The following IQCB1 variants were observed in gnomAD, a reference collection of about 807,000 sequenced individuals.
IQCB1 encodes the protein IQ motif containing B1, also known as IQ calmodulin-binding motif-containing protein 1.
In IQCB1, 56 loss-of-function variants were observed where a neutral mutation model predicts 84.4. The ratio of observed to expected loss-of-function variants is 0.66; its 90% confidence interval spans 0.54 to 0.83. IQCB1 has a LOEUF of 0.83. IQCB1 is among the 40% of genes least tolerant of loss of function. The pLI, the probability that IQCB1 is intolerant of heterozygous loss-of-function variation, is 0.00. For missense variants in IQCB1, 629 were observed against 682.1 expected, an observed-to-expected ratio of 0.92 and a Z score of 0.87; for synonymous variants, 210 against 234.8, an observed-to-expected ratio of 0.89 and a Z score of 0.96.
At position 121,797,216 on chromosome 3, in the gene IQCB1, G is replaced by C; in HGVS notation, c.778C>G (p.Leu260Val). The C allele has an allele frequency of 6.4e-7, 1 of 1,568,144 alleles. No individual in the cohort carries two copies. The highest frequency in any genetic ancestry group is 8.8e-7 in the Non-Finnish European group (1 of 1,140,044). Residue 260 changes from leucine (L) to valine (V), a missense_variant, in exon 9 of 15, where the codon CTA becomes GTA. Coordinates refer to ENST00000310864, the MANE Select transcript of IQCB1 (RefSeq NM_001023570.4). ...QSTCYKGLRR[L>V]LSKQETGTEF... ...GTCCCAGTTTCCTGTTTACTTAGTAGACGTCTGAGTCCTGAAATGGAATAG... is the reference window on the plus strand; with the variant it reads ...GTCCCAGTTTCCTGTTTACTTAGTACACGTCTGAGTCCTGAAATGGAATAG...
intron 5 of IQCB1, among the ~76,000 whole-genome samples, chr3:121,810,196 C>T (rs1040960543): frequency 1.3e-5 from 2 of 152,096 alleles, no homozygotes; most frequent in African/African-American, 2.4e-5. Flanking sequence ...ACCTTTAAAT[C>T]GAAATTCTCA....
At chr3:121,781,668 A>C in intron 13 of IQCB1, 75 bp downstream of exon 13, 15 of 1,130,184 alleles carry the variant, frequency 1.3e-5, no homozygotes, top group South Asian at 3.7e-5. Context: ...CACACAATAT[A>C]TGTGTGTGTG....
Position 121,828,889 on chromosome 3 carries a change from A to T in IQCB1, c.72T>A (p.Asn24Lys). The T allele has an allele frequency of 3.1e-6, 5 of 1,607,952 alleles. No homozygotes were observed. The South Asian group carries it at 5.5e-5, about 18-fold the overall frequency. ...AAEVAKSPEQ[N>K]VPVILLKLKE... ...TTAACTTCAACAGTATAACAGGGAC[A>T]TTCTGCTCAGGGCTTTTTGCAACTT... Residue 24 changes from asparagine to lysine, a missense_variant, in exon 3 of 15, where the codon AAT becomes AAA. Asn to Lys is a moderately conservative substitution (Grantham distance 94, BLOSUM62 0). Coordinates refer to ENST00000310864, the MANE Select transcript of IQCB1 (RefSeq NM_001023570.4).
intron 12 of IQCB1, among the ~76,000 whole-genome samples, chr3:121,786,215 G>GAAAAGAAAAGAAAAGAAAAT (rs59609336): frequency 6.8e-6 from 1 of 147,108 alleles, no homozygotes; most frequent in Admixed American, 6.9e-5. Flanking sequence ...GAAAAGAAAA[G>GAAAAGAAAAGAAAAGAAAAT]GATGCTTTAA....
intron 5 of IQCB1, among the ~76,000 whole-genome samples, chr3:121,809,472 T>A (rs1020342946): frequency 1.3e-5 from 2 of 152,066 alleles, no homozygotes; most frequent in Non-Finnish European, 2.9e-5. Context: ...GATGTCAGCA[T>A]GAGAAGCATT....
chr3:121,781,672 G>C lies in IQCB1; in HGVS notation c.1410+71C>G. On this transcript the variant is annotated intron_variant, in intron 13 of 14. Coordinates refer to ENST00000310864, the MANE Select transcript of IQCB1 (RefSeq NM_001023570.4). ...ACACACACACACACACAATATATGT[G>C]TGTGTGTGTACAGTTATCAATATCA... The C allele has an allele frequency of 1.0e-5, 13 of 1,270,906 alleles. No individual in the cohort carries two copies. In the South Asian group the frequency reaches 1.6e-4, roughly 15 times the overall value. 78.7% of individuals were successfully genotyped at this position (1,270,906 alleles called of 1,614,324 possible).
rs898997712 is a variant in IQCB1 at position 121,781,747 on chromosome 3, T to C, written c.1406A>G (p.His469Arg). 6.2e-7 allele frequency: 1 copy of C among 1,613,022 alleles called. No homozygotes were observed. Among genetic ancestry groups the C allele is most frequent in the African/African-American group, 1.3e-5 (1 of 74,894 alleles). ...KKRVDDYVRR[H>R]LGSPMSDVVS... ...TATGGTACAGAAGCTTCATACCAAA[T>C]GTCTTCTGACATAGTCATCCACTCG... Residue 469 changes from histidine (H) to arginine (R), a missense_variant, in exon 13 of 15, where the codon CAT (histidine) becomes CGT (arginine). Coordinates refer to ENST00000310864, the MANE Select transcript of IQCB1 (RefSeq NM_001023570.4).
chr3:121,834,984 T>C lies in IQCB1; in HGVS notation c.-120A>G. Reference sequence around the variant, plus strand: ...AAGTTACCTCATCCTCGCTTCGCGTTCTTCCACTAAAGAACCTGGGGCTCC... The same window carrying C: ...AAGTTACCTCATCCTCGCTTCGCGTCCTTCCACTAAAGAACCTGGGGCTCC... On this transcript the variant is annotated 5_prime_UTR_variant, in exon 1 of 15. Transcript: ENST00000310864. The C allele has an allele frequency of 6.4e-6, 3 of 471,606 alleles. No homozygotes were observed. The highest frequency in any genetic ancestry group is 1.1e-5 in the Non-Finnish European group (3 of 263,598). 29.2% of individuals were successfully genotyped at this position (471,606 alleles called of 1,614,324 possible). A position where few individuals can be genotyped will look rare whatever the true frequency, so the allele number is the denominator to read the frequency against.
At chr3:121,800,413 G>A (rs1431186341) in intron 7 of IQCB1, among the ~76,000 whole-genome samples, 5 of 151,836 alleles carry the variant, frequency 3.3e-5, no homozygotes, top group Non-Finnish European at 7.4e-5. Context: ...ATTTTGTTAA[G>A]AGAAAAGAGA....
At chr3:121,827,523 C>T (rs968276406) in intron 4 of IQCB1, among the ~76,000 whole-genome samples, 2 of 152,042 alleles carry the variant, frequency 1.3e-5, no homozygotes, top group East Asian at 1.9e-4. Context: ...GAGAGCCTGG[C>T]TTAATCAATA....
intron 4 of IQCB1, among the ~76,000 whole-genome samples, chr3:121,827,838 T>G (rs1254055470): frequency 6.6e-6 from 1 of 152,108 alleles, no homozygotes; most frequent in African/African-American, 2.4e-5. Context: ...CACTTATTAA[T>G]CAGGAAGTAG....
At chr3:121,814,539 C>T (rs577993508) in intron 5 of IQCB1, among the ~76,000 whole-genome samples, 13 of 151,938 alleles carry the variant, frequency 8.6e-5, no homozygotes, top group Admixed American at 5.9e-4. Context: ...AAAAGAAAGG[C>T]GAGAAGAATC....
chr3:121,771,985 C>G (rs1367320764), intron 14 of IQCB1, among the ~76,000 whole-genome samples: 1 of 152,018 alleles, frequency 6.6e-6, no homozygotes, highest in Non-Finnish European at 1.5e-5. Flanking sequence ...ACCATCCTGG[C>G]CAACATGGTG....
At chr3:121,801,474 A>C (rs780422710) in intron 7 of IQCB1, among the ~76,000 whole-genome samples, 3 of 152,086 alleles carry the variant, frequency 2.0e-5, no homozygotes, top group Non-Finnish European at 2.9e-5. Context: ...CTAATCACCC[A>C]ATACAGAAAA....
intron 10 of IQCB1, 124 bp from the exon 11 acceptor site, chr3:121,790,339 G>GT: frequency 1.2e-6 from 1 of 802,514 alleles, no homozygotes; most frequent in Non-Finnish European, 2.0e-6. Context: ...TGTTAATAAG[G>GT]TATGATAAAA....
chr3:121,814,540 G>A (rs537013880), intron 5 of IQCB1, among the ~76,000 whole-genome samples: 84 of 152,188 alleles, frequency 5.5e-4, no homozygotes, highest in African/African-American at 1.6e-3. Flanking sequence ...AAAGAAAGGC[G>A]AGAAGAATCA....
chr3:121,774,453 G>T (rs1291303730), intron 13 of IQCB1, among the ~76,000 whole-genome samples: 1 of 152,166 alleles, frequency 6.6e-6, no homozygotes, highest in Non-Finnish European at 1.5e-5. Context: ...AGAATTGAAA[G>T]CAAGTACACA....
intron 13 of IQCB1, among the ~76,000 whole-genome samples, chr3:121,780,260 G>A (rs1948417329): frequency 6.6e-6 from 1 of 152,224 alleles, no homozygotes; most frequent in East Asian, 1.9e-4. Context: ...AGTAAGCTGG[G>A]GTAATTATAG....
chr3:121,809,318 T>A (rs538389380), intron 5 of IQCB1, among the ~76,000 whole-genome samples: 7 of 152,166 alleles, frequency 4.6e-5, no homozygotes, highest in African/African-American at 1.7e-4. Context: ...GTTGAGCTTT[T>A]TAAATACATC....
Sources: gnomAD v4.1 joint callset for allele counts (sites outside exome capture counted in the v4.1 genomes callset) on GRCh38, gnomAD v4.1.1 for gene constraint, MANE v1.5 for transcripts, NCBI Gene and HGNC (gene_info 2026-07-23, HGNC 2026-07-21) for gene names.